Variants in NAMPT observed in about 807,000 individuals in gnomAD.
The protein encoded by NAMPT is NAmPRTase.
In NAMPT, 7 loss-of-function variants were observed where a neutral mutation model predicts 58.7. That is an observed-to-expected ratio of 0.12 (90% confidence interval 0.07 to 0.22). The LOEUF is 0.22. Among genes scored for constraint, NAMPT ranks in the 10% least tolerant of loss-of-function variants. The pLI, the probability that NAMPT is intolerant of heterozygous loss-of-function variation, is 1.00. For synonymous variants in NAMPT, 145 were observed against 198.1 expected, an observed-to-expected ratio of 0.73 and a Z score of 2.25; for missense variants, 271 against 567.9, an observed-to-expected ratio of 0.48 and a Z score of 5.31.
chr7:106,271,643 A>T (rs1293248461), intron 4 of NAMPT, among the ~76,000 whole-genome samples: 3 of 152,096 alleles, frequency 2.0e-5, no homozygotes, highest in Non-Finnish European at 2.9e-5. Flanking sequence ...AAGTCTATTA[A>T]TTTCCTGTCA....
At chr7:106,266,109 C>T (rs1013420126) in intron 6 of NAMPT, among the ~76,000 whole-genome samples, 4 of 152,138 alleles carry the variant, frequency 2.6e-5, no homozygotes, top group Non-Finnish European at 4.4e-5. Flanking sequence ...CTATGTCAGC[C>T]GGAAGGTCAC....
At chr7:106,281,669 C>T (rs1241571460) in intron 1 of NAMPT, among the ~76,000 whole-genome samples, 1 of 152,182 alleles carries the variant, frequency 6.6e-6, no homozygotes, top group Non-Finnish European at 1.5e-5. Flanking sequence ...ATTTCTTAAA[C>T]CCTGGAAATC....
chr7:106,263,349 C>T lies in NAMPT; in HGVS notation c.969+43G>A, dbSNP rs544852333. The T allele has an allele frequency of 3.6e-6, 5 of 1,390,116 alleles. No individual in the cohort carries two copies. The East Asian group carries it at 1.1e-4, about 32-fold the overall frequency. The allele number at this position is 1,390,116 out of a possible 1,614,324, so 86.1% of individuals were successfully genotyped here. On this transcript the variant is annotated intron_variant, in intron 7 of 10. Coordinates refer to ENST00000222553, the MANE Select transcript of NAMPT (RefSeq NM_005746.3). ...GAAAAGTAGTATTGATGCAGCTGGC[C>T]TACAGAGGGATTCTAATAATAAAGT...
intron 2 of NAMPT, chr7:106,276,168 A>G (rs1792635338): frequency 1.3e-5 from 2 of 152,238 alleles, no homozygotes; most frequent in South Asian, 4.1e-4. Flanking sequence ...GATTATAGAA[A>G]AGAGTTATTG....
intron 8 of NAMPT, among the ~76,000 whole-genome samples, chr7:106,259,987 T>A (rs1342976989): frequency 3.3e-5 from 5 of 152,004 alleles, no homozygotes; most frequent in Non-Finnish European, 7.4e-5. Flanking sequence ...GTTGTTCCAT[T>A]TATAAAGCAC....
intron 3 of NAMPT, among the ~76,000 whole-genome samples, chr7:106,274,127 A>G (rs1267362377): frequency 6.6e-6 from 1 of 150,688 alleles, no homozygotes; most frequent in Non-Finnish European, 1.5e-5. Context: ...ATATAATACA[A>G]TCAAGACTAA....
chr7:106,285,498 C>G (rs920021197), upstream of NAMPT: 16 of 969,116 alleles, frequency 1.7e-5, no homozygotes, highest in Admixed American at 6.1e-5. Flanking sequence ...GGCGAGGAGC[C>G]TCCTACTGCC....
intron 8 of NAMPT, among the ~76,000 whole-genome samples, chr7:106,259,779 G>A (rs900848027): frequency 9.2e-5 from 14 of 151,830 alleles, no homozygotes; most frequent in Admixed American, 3.9e-4. Context: ...ATAGGCTGTC[G>A]AACGGACGTT....
chr7:106,257,165 G>C (rs1385777837), intron 8 of NAMPT, among the ~76,000 whole-genome samples: 1 of 151,394 alleles, frequency 6.6e-6, no homozygotes, highest in Non-Finnish European at 1.5e-5. Context: ...AAGAGAAAAA[G>C]ATATTTTTCC....
chr7:106,258,902 C>A (rs912417628), intron 8 of NAMPT, among the ~76,000 whole-genome samples: 3 of 151,246 alleles, frequency 2.0e-5, no homozygotes, highest in Non-Finnish European at 4.4e-5. Context: ...TGAAGTTTGT[C>A]ACGTCAATTG....
At chr7:106,283,239 G>A (rs1792800214) in intron 1 of NAMPT, among the ~76,000 whole-genome samples, 1 of 152,058 alleles carries the variant, frequency 6.6e-6, no homozygotes, top group Non-Finnish European at 1.5e-5. Context: ...AATTCTAATA[G>A]TGCAATTAAG....
At chr7:106,275,125 A>C in intron 2 of NAMPT, 76 bp from the exon 3 acceptor site, 1 of 872,026 alleles carries the variant, frequency 1.1e-6, no homozygotes, top group South Asian at 1.6e-5. Flanking sequence ...CAGACTTAAT[A>C]TCTTTGGCTA....
At chr7:106,277,353 A>ATATTTAAT (rs1792666951) in intron 1 of NAMPT, among the ~76,000 whole-genome samples, 174 bp from the exon 2 acceptor site, 2 of 152,226 alleles carry the variant, frequency 1.3e-5, no homozygotes, top group African/African-American at 4.8e-5. Context: ...ATATTTTCAG[A>ATATTTAAT]GTTCAGTATC....
intron 8 of NAMPT, among the ~76,000 whole-genome samples, chr7:106,257,736 C>T (rs1204741447): frequency 7.9e-5 from 12 of 152,180 alleles, no homozygotes; most frequent in Non-Finnish European, 1.8e-4. Flanking sequence ...TTTTGAGTAC[C>T]TGACTGAACA....
chr7:106,280,818 G>A (rs1792747887), intron 1 of NAMPT, among the ~76,000 whole-genome samples: 1 of 151,862 alleles, frequency 6.6e-6, no homozygotes, highest in Non-Finnish European at 1.5e-5. Context: ...GCACGCGCCT[G>A]TAGTCCCAGC....
intron 1 of NAMPT, among the ~76,000 whole-genome samples, chr7:106,282,034 A>G (rs945672494): frequency 2.0e-5 from 3 of 152,162 alleles, no homozygotes; most frequent in Admixed American, 1.3e-4. Flanking sequence ...TATATGTACA[A>G]TGTCACATAT....
intron 5 of NAMPT, 148 bp downstream of exon 5, chr7:106,269,006 C>T: frequency 1.4e-6 from 1 of 697,316 alleles, no homozygotes; most frequent in South Asian, 1.9e-5. Context: ...ACCCTGAACA[C>T]AGTAGTAGGT....
chr7:106,252,660 G>C (rs1483426003), intron 10 of NAMPT, among the ~76,000 whole-genome samples: 3 of 152,042 alleles, frequency 2.0e-5, no homozygotes, highest in Non-Finnish European at 2.9e-5. Flanking sequence ...ATTTGAATCA[G>C]AAAACTTGGT....
intron 8 of NAMPT, among the ~76,000 whole-genome samples, chr7:106,259,130 C>T (rs1187071472): frequency 6.6e-6 from 1 of 152,210 alleles, no homozygotes; most frequent in East Asian, 1.9e-4. Flanking sequence ...AAACCACTTT[C>T]TGTATCCACC....
Sources: gnomAD v4.1 joint callset for allele counts (sites outside exome capture counted in the v4.1 genomes callset) on GRCh38, gnomAD v4.1.1 for gene constraint, MANE v1.5 for transcripts, NCBI Gene and HGNC (gene_info 2026-07-23, HGNC 2026-07-21) for gene names.